Variants in UNC5C observed in about 807,000 individuals in gnomAD.
UNC5C encodes the protein unc-5 netrin receptor C, also known as netrin receptor UNC5C.
Under a neutral mutation model 99.8 loss-of-function variants are expected in UNC5C, and 47 were observed. That is an observed-to-expected ratio of 0.47 (90% CI 0.37 to 0.60). UNC5C has a LOEUF of 0.60. Among genes scored for constraint, UNC5C ranks in the 20% least tolerant of loss-of-function variants. The pLI is 0.00. For synonymous variants in UNC5C, 487 were observed against 452.2 expected (o/e 1.08, Z -0.98); for missense variants, 1,062 against 1,165.9 (o/e 0.91, Z 1.30).
chr4:95,171,728 A>C (rs1194925979), intron 14 of UNC5C, among the ~76,000 whole-genome samples: 1 of 151,520 alleles, frequency 6.6e-6, no homozygotes, highest in Non-Finnish European at 1.5e-5. Context: ...TAGCAGCATG[A>C]TTTATAGTCC....
intron 1 of UNC5C, among the ~76,000 whole-genome samples, chr4:95,434,566 C>A (rs1746721637): frequency 6.6e-6 from 1 of 151,996 alleles, no homozygotes; most frequent in South Asian, 2.1e-4. Flanking sequence ...ATTCAGACCA[C>A]CTTCTCTCTC....
chr4:95,283,905 C>T (rs569825083), intron 3 of UNC5C, among the ~76,000 whole-genome samples: 3 of 152,172 alleles, frequency 2.0e-5, no homozygotes, highest in African/African-American at 7.2e-5. Flanking sequence ...TAAAAGCTAT[C>T]GTCATATGTA....
chr4:95,399,789 C>G (rs894867525), intron 1 of UNC5C, among the ~76,000 whole-genome samples: 4 of 152,098 alleles, frequency 2.6e-5, no homozygotes, highest in Non-Finnish European at 5.9e-5. Context: ...GTGGATTTTC[C>G]TCATTAGTCA....
At chr4:95,176,871 C>T (rs577356914) in intron 14 of UNC5C, among the ~76,000 whole-genome samples, 1 of 152,376 alleles carries the variant, frequency 6.6e-6, no homozygotes, top group South Asian at 2.1e-4. Flanking sequence ...TGATCTCAGA[C>T]TGCTGTGCTA....
At chr4:95,341,000 C>T (rs1031547432) in intron 1 of UNC5C, among the ~76,000 whole-genome samples, 23 of 152,060 alleles carry the variant, frequency 1.5e-4, no homozygotes, top group Non-Finnish European at 1.2e-4. Context: ...AAAAAATACT[C>T]AATGACTGAT....
At chr4:95,401,074 T>C (rs1407499862) in intron 1 of UNC5C, among the ~76,000 whole-genome samples, 3 of 152,270 alleles carry the variant, frequency 2.0e-5, no homozygotes, top group African/African-American at 7.2e-5. Context: ...TTTGAGACGA[T>C]TTTCTCACTA....
intron 1 of UNC5C, among the ~76,000 whole-genome samples, chr4:95,502,428 C>A (rs1197030479): frequency 6.6e-6 from 1 of 152,006 alleles, no homozygotes; most frequent in African/African-American, 2.4e-5. Context: ...ACCACCATGC[C>A]CAGCTTATTT....
chr4:95,487,877 G>T (rs535217970), intron 1 of UNC5C, among the ~76,000 whole-genome samples: 1 of 151,810 alleles, frequency 6.6e-6, no homozygotes, highest in African/African-American at 2.4e-5. Flanking sequence ...ATTCCTTATC[G>T]ATTAACTCCT....
At chr4:95,373,788 G>C (rs973507812) in intron 1 of UNC5C, among the ~76,000 whole-genome samples, 1 of 152,112 alleles carries the variant, frequency 6.6e-6, no homozygotes, top group African/African-American at 2.4e-5. Flanking sequence ...GGGGTGGCGA[G>C]CTTCCATTAA....
At chr4:95,292,659 G>A (rs897889707) in intron 3 of UNC5C, among the ~76,000 whole-genome samples, 2 of 152,196 alleles carry the variant, frequency 1.3e-5, no homozygotes, top group South Asian at 2.1e-4. Context: ...ATGCAGAAAC[G>A]TAATAAGTAC....
chr4:95,287,675 C>T (rs540242200), intron 3 of UNC5C, among the ~76,000 whole-genome samples: 8 of 152,290 alleles, frequency 5.3e-5, no homozygotes, highest in Admixed American at 1.3e-4. Context: ...GAGGCCACAG[C>T]GGAGCAGGGA....
rs549613071 is a variant in UNC5C at position 95,484,068 on chromosome 4, C to T, written c.124+64666G>A. 1.4e-4 allele frequency among the ~76,000 whole-genome samples: 21 copies of T among 151,842 alleles called. 1 individual carries two copies. Among genetic ancestry groups the T allele is most frequent in the Admixed American group, 1.4e-3 (21 of 15,226 alleles). On this transcript the variant is annotated intron_variant, in intron 1 of 15. Coordinates refer to ENST00000453304, the MANE Select transcript of UNC5C (RefSeq NM_003728.4). Reference sequence around the variant, plus strand: ...ACAATCAACAAAAATATTAAAAAAACCATATTGGTTAGAATATCAGAGTGG... The same window carrying T: ...ACAATCAACAAAAATATTAAAAAAATCATATTGGTTAGAATATCAGAGTGG...
chr4:95,521,504 C>T (rs1722357410), intron 1 of UNC5C, among the ~76,000 whole-genome samples: 2 of 152,084 alleles, frequency 1.3e-5, no homozygotes, highest in Admixed American at 1.3e-4. Context: ...AGGCATGAGC[C>T]TCCACGCCTG....
chr4:95,426,848 C>T (rs978222805), intron 1 of UNC5C, among the ~76,000 whole-genome samples: 6 of 152,158 alleles, frequency 3.9e-5, no homozygotes, highest in Admixed American at 6.5e-5. Context: ...ATGAGGTTCA[C>T]GGAAAGAAGT....
intron 1 of UNC5C, among the ~76,000 whole-genome samples, chr4:95,460,550 G>A (rs1414395886): frequency 6.6e-6 from 1 of 152,062 alleles, no homozygotes; most frequent in Admixed American, 6.6e-5. Context: ...TTTTATCAGG[G>A]GAAACCCCTT....
rs567478031 is a variant in UNC5C, at chr4:95,506,108, A to AT, written c.124+42625dup. Among the ~76,000 whole-genome samples the AT allele has an allele frequency of 1.7e-4, 26 of 152,112 alleles. 1 individual carries two copies. The East Asian group carries it at 4.8e-3, about 28-fold the overall frequency. On this transcript the variant is annotated intron_variant, in intron 1 of 15. Coordinates refer to ENST00000453304, the MANE Select transcript of UNC5C (RefSeq NM_003728.4). The stretch of plus-strand genomic sequence containing the variant: ...TTTTTATTTTCATTATGAAATCTCA[A>AT]TTTTCATCTTAATCTTAACAGGTGG...
chr4:95,245,232 CAA>C (rs560936777), intron 5 of UNC5C, 88 bp from the exon 6 acceptor site: 15 of 1,360,120 alleles, frequency 1.1e-5, no homozygotes, highest in East Asian at 2.7e-5. Context: ...AATATGTAAA[CAA>C]AGAGTTATTT....
At chr4:95,193,550 A>T (rs189147799) in intron 12 of UNC5C, among the ~76,000 whole-genome samples, 2 of 152,162 alleles carry the variant, frequency 1.3e-5, no homozygotes, top group African/African-American at 2.4e-5. Flanking sequence ...AAAAAATCAC[A>T]TCTGCCATCA....
At chr4:95,208,835 T>C (rs1256866535) in intron 10 of UNC5C, among the ~76,000 whole-genome samples, 1 of 152,240 alleles carries the variant, frequency 6.6e-6, no homozygotes, top group Middle Eastern at 3.2e-3. Context: ...TGGATTTTTC[T>C]CTAGTTTTTG....
Sources: gnomAD v4.1 joint callset for allele counts (sites outside exome capture counted in the v4.1 genomes callset) on GRCh38, gnomAD v4.1.1 for gene constraint, MANE v1.5 for transcripts, NCBI Gene and HGNC (gene_info 2026-07-23, HGNC 2026-07-21) for gene names.